Variants in GRIK4 observed in about 807,000 individuals in gnomAD.
The protein encoded by GRIK4 is glutamate ionotropic receptor kainate type subunit 4.
Under a neutral mutation model 104.9 loss-of-function variants are expected in GRIK4, and 40 were observed. The observed-to-expected ratio is 0.38, with a 90% CI of 0.30 to 0.50. The LOEUF (loss-of-function observed/expected upper bound fraction) is 0.50. Among genes scored for constraint, GRIK4 ranks in the 20% least tolerant of loss-of-function variants. The pLI is 0.93. For synonymous variants in GRIK4, 485 were observed against 524.9 expected (o/e 0.92, Z 1.04); for missense variants, 1,047 against 1,308.1 (o/e 0.80, Z 3.08).
intron 14 of GRIK4, among the ~76,000 whole-genome samples, chr11:120,941,420 G>A (rs1048504433): frequency 2.0e-5 from 3 of 152,110 alleles, no homozygotes; most frequent in South Asian, 2.1e-4. Flanking sequence ...AAAGGAGATC[G>A]TCCACCTTTG....
intron 2 of GRIK4, among the ~76,000 whole-genome samples, chr11:120,656,955 A>T (rs538426976): frequency 1.6e-4 from 24 of 152,338 alleles, no homozygotes; most frequent in African/African-American, 5.8e-4. Flanking sequence ...CTGTCATCAA[A>T]TAAAATTTAC....
intron 1 of GRIK4, among the ~76,000 whole-genome samples, chr11:120,648,193 C>T (rs1044271569): frequency 3.3e-5 from 5 of 152,322 alleles, no homozygotes; most frequent in Admixed American, 3.3e-4. Context: ...CTCTGGACTT[C>T]TAAACCAGGG....
chr11:120,874,051 C>T lies in GRIK4; in HGVS notation c.907-15C>T, dbSNP rs769408005. ...TCTCACTCCCTCCCTCCGCCTGCTC[C>T]CCGGCCTCTCCCAGCTCTCCTCGGC... On this transcript the variant is annotated splice_polypyrimidine_tract_variant and intron_variant, in intron 9 of 20. Coordinates refer to ENST00000527524, the MANE Select transcript of GRIK4 (RefSeq NM_014619.5). 2.5e-6 allele frequency: 4 copies of T among 1,593,644 alleles called. No individual in the cohort carries two copies. The highest frequency in any genetic ancestry group is 4.5e-5 in the East Asian group (2 of 44,182).
chr11:120,751,465 G>A (rs1951550445), intron 3 of GRIK4, among the ~76,000 whole-genome samples: 1 of 152,200 alleles, frequency 6.6e-6, no homozygotes, highest in South Asian at 2.1e-4. Context: ...TGGCCGATAA[G>A]GCTGCCAAGC....
intron 3 of GRIK4, among the ~76,000 whole-genome samples, chr11:120,687,630 G>A (rs1429720884): frequency 6.6e-6 from 1 of 152,150 alleles, no homozygotes; most frequent in East Asian, 1.9e-4. Context: ...TGTATAGGCT[G>A]TACCTGCTGT....
chr11:120,986,631 C>T lies in GRIK4; in HGVS notation c.*371C>T, dbSNP rs1944759689. The T allele has an allele frequency of 5.2e-6, 1 of 190,582 alleles. No homozygotes were observed. The allele number at this position is 190,582 out of a possible 1,614,324, so 11.8% of individuals were successfully genotyped here. ...ATCATCAGTTGAATTTCCCCCTAGT[C>T]AGGGGCCAATGTACCCTCCGTCTAG... On this transcript the variant is annotated 3_prime_UTR_variant, in exon 21 of 21. Transcript: ENST00000527524.
At chr11:120,832,055 C>A in intron 7 of GRIK4, 25 bp downstream of exon 7, 14 of 1,548,190 alleles carry the variant, frequency 9.0e-6, no homozygotes, top group Non-Finnish European at 1.2e-5. Context: ...CTCTCCCCCA[C>A]CCCCTGCTGA....
Position 120,557,149 on chromosome 11 carries a change from G to A in GRIK4, c.-159+45262G>A, listed in dbSNP as rs141096701. 1.5e-3 allele frequency among the ~76,000 whole-genome samples: 235 copies of A among 152,276 alleles called. 1 individual carries two copies. Among genetic ancestry groups the A allele is most frequent in the African/African-American group, 5.2e-3 (217 of 41,536 alleles). On this transcript the variant is annotated intron_variant, in intron 1 of 20. Coordinates refer to ENST00000527524, the MANE Select transcript of GRIK4 (RefSeq NM_014619.5). ...TGATGGCAGCATTCAGGGACCCAGG[G>A]CTGACTGTCTTTCTCTTGTGGCTCC...
rs1031398564 is a variant in GRIK4 at position 120,524,908 on chromosome 11, G to A, written c.-159+13021G>A. 2.0e-5 allele frequency among the ~76,000 whole-genome samples: 3 copies of A among 152,166 alleles called. No homozygotes were observed. Among genetic ancestry groups the A allele is most frequent in the Admixed American group, 2.0e-4 (3 of 15,280 alleles). On this transcript the variant is annotated intron_variant, in intron 1 of 20. Coordinates refer to ENST00000527524, the MANE Select transcript of GRIK4 (RefSeq NM_014619.5). The surrounding 1 kb of genome is among the most constrained non-coding windows in gnomAD (Gnocchi z 4.5). ...GTGTGGGGATGACAGAGGTCCCTGC[G>A]GTCTGCAGGGTGAGCTGAGGTCCTA...
chr11:120,582,387 G>T (rs1443247239), intron 1 of GRIK4, among the ~76,000 whole-genome samples: 3 of 151,930 alleles, frequency 2.0e-5, no homozygotes, highest in Non-Finnish European at 4.4e-5. Flanking sequence ...ATGGGGGTTT[G>T]GTGGTCAGAC....
rs1444150273 is a variant in GRIK4, at chr11:120,986,161, G to T, written c.2772G>T (p.Glu924Asp). 3.2e-6 allele frequency: 5 copies of T among 1,547,924 alleles called. No individual in the cohort carries two copies. The highest frequency in any genetic ancestry group is 1.8e-5 in the Admixed American group (1 of 54,994). The change falls in exon 21 of 21, where the codon GAG becomes GAT. Residue 924 changes from glutamate (E) to aspartate (D), a missense_variant. Transcript: ENST00000527524. The part of the protein sequence containing the change: ...RGCTHIRVCP[E>D]CRRFQGLRAR... ...GCACGCACATCCGCGTCTGCCCCGAGTGCCGCCGCTTCCAGGGCCTGCGGG... is the reference window on the plus strand; with the variant it reads ...GCACGCACATCCGCGTCTGCCCCGATTGCCGCCGCTTCCAGGGCCTGCGGG...
chr11:120,905,203 A>G lies in GRIK4; in HGVS notation c.1273-87A>G. On this transcript the variant is annotated intron_variant, in intron 12 of 20. Transcript: ENST00000527524. The surrounding 1 kb of genome is among the most constrained non-coding windows in gnomAD (Gnocchi z 5.1). ...CTCCTTCTGCCCCATGTCCTCCCCG[A>G]CCCTCTGTGCCCCTGGCCCTCCCCA... is the stretch of plus-strand genomic sequence containing the variant. 1 of 951,724 alleles carries G rather than the reference A, an allele frequency of 1.1e-6. No homozygotes were observed. The highest frequency in any genetic ancestry group is 2.4e-5 in the East Asian group (1 of 41,818). The allele number at this position is 951,724 out of a possible 1,614,324, so 59.0% of individuals were successfully genotyped here.
At chr11:120,788,535 C>T (rs1295268740) in intron 3 of GRIK4, among the ~76,000 whole-genome samples, 1 of 152,076 alleles carries the variant, frequency 6.6e-6, no homozygotes, top group Non-Finnish European at 1.5e-5. Context: ...GGCCATGCGT[C>T]TGTGTCAAAC....
chr11:120,861,863 A>G (rs1195944631), intron 8 of GRIK4, 96 bp from the exon 9 acceptor site: 7 of 914,016 alleles, frequency 7.7e-6, no homozygotes, highest in Non-Finnish European at 1.1e-5. Flanking sequence ...TGTTCACTGG[A>G]CTAGAATGTG....
chr11:120,518,472 A>C (rs898791148), intron 1 of GRIK4, among the ~76,000 whole-genome samples: 1 of 151,958 alleles, frequency 6.6e-6, no homozygotes, highest in Non-Finnish European at 1.5e-5. Flanking sequence ...TTAATCAGAA[A>C]AGTCTATAGT....
intron 3 of GRIK4, among the ~76,000 whole-genome samples, chr11:120,682,328 C>G (rs1950206778): frequency 1.3e-5 from 2 of 152,286 alleles, no homozygotes; most frequent in South Asian, 4.2e-4. Context: ...AGCCAGAGGC[C>G]CAGCGAGGCT....
intron 3 of GRIK4, among the ~76,000 whole-genome samples, chr11:120,681,523 C>A (rs1306061621): frequency 2.6e-5 from 4 of 152,206 alleles, no homozygotes; most frequent in Non-Finnish European, 4.4e-5. Context: ...TTACTCTCCA[C>A]CCTGGTCTAG....
intron 11 of GRIK4, among the ~76,000 whole-genome samples, chr11:120,881,033 A>T (rs1015194933): frequency 2.0e-5 from 3 of 152,122 alleles, no homozygotes; most frequent in African/African-American, 7.2e-5. Flanking sequence ...TTCCTTTCTC[A>T]GGCAGCGGTT....
chr11:120,954,133 G>A (rs1269053199), intron 15 of GRIK4, among the ~76,000 whole-genome samples: 1 of 152,066 alleles, frequency 6.6e-6, no homozygotes, highest in African/African-American at 2.4e-5. Context: ...GGAACCACGG[G>A]CTACCTAACC....
Sources: allele counts gnomAD v4.1 joint callset (sites outside exome capture counted in the v4.1 genomes callset), GRCh38; gene constraint gnomAD v4.1.1; non-coding constraint Gnocchi (gnomAD v3.1); transcripts MANE v1.5; gene names NCBI Gene and HGNC (gene_info 2026-07-23, HGNC 2026-07-21).